Variants in FLOT1 observed in about 807,000 individuals in gnomAD.
FLOT1 encodes flotillin-1.
In FLOT1, 40 loss-of-function variants were observed where a neutral mutation model predicts 58.4. The observed-to-expected ratio is 0.69, with a 90% confidence interval of 0.53 to 0.89. The LOEUF (loss-of-function observed/expected upper bound fraction) is 0.89. Ranked by LOEUF, FLOT1 falls within the 40% of genes least tolerant of loss-of-function variation. The pLI is 0.00. For synonymous variants in FLOT1, 178 were observed against 204.2 expected, an observed-to-expected ratio of 0.87 and a Z score of 1.09; for missense variants, 423 against 540.8, an observed-to-expected ratio of 0.78 and a Z score of 2.16.
intron 8 of FLOT1, among the ~76,000 whole-genome samples, chr6:30,733,974 C>G (rs565818789): frequency 1.4e-5 from 2 of 145,204 alleles, no homozygotes; most frequent in Non-Finnish European, 3.0e-5. Flanking sequence ...ATCACTTGAG[C>G]CTGGGAGGTT....
chr6:30,734,123 A>C (rs1158584026), intron 8 of FLOT1, among the ~76,000 whole-genome samples: 1 of 149,298 alleles, frequency 6.7e-6, no homozygotes, highest in African/African-American at 2.5e-5. Context: ...CTCTCTCTCT[A>C]GAAGCTTTCA....
At position 30,737,221 on chromosome 6, in the gene FLOT1, C is replaced by T. The variant is rs1167394646; in HGVS notation, c.723+2937G>A. ...ACTGACTGTCTGTCGTCCGTCCGTCCGTCCGTCCGTCCGTCCGTCCGTCCG... is the reference window on the plus strand; with the variant it reads ...ACTGACTGTCTGTCGTCCGTCCGTCTGTCCGTCCGTCCGTCCGTCCGTCCG... On this transcript the variant is annotated intron_variant, in intron 8 of 12. Transcript: ENST00000376389. This position sits in a 1 kb window ranked among gnomAD's most constrained non-coding sequence, Gnocchi z 4.4. 3.0e-5 allele frequency among the ~76,000 whole-genome samples: 4 copies of T among 132,792 alleles called. No individual in the cohort carries two copies. The highest frequency in any genetic ancestry group is 2.4e-4 in the South Asian group (1 of 4,112). 87.1% of individuals were successfully genotyped at this position (132,792 alleles called of 152,430 possible). A position where few individuals can be genotyped will look rare whatever the true frequency, so the allele number is the denominator to read the frequency against.
intron 12 of FLOT1, 127 bp downstream of exon 12, chr6:30,729,894 TG>T: frequency 1.3e-6 from 1 of 782,316 alleles, no homozygotes; most frequent in Non-Finnish European, 2.1e-6. Flanking sequence ...GCACTGTGTC[TG>T]GCACACAGAA....
At chr6:30,740,057 G>A in intron 8 of FLOT1, 101 bp downstream of exon 8, 3 of 1,187,782 alleles carry the variant, frequency 2.5e-6, no homozygotes, top group Non-Finnish European at 2.4e-6. Flanking sequence ...GCCAGAATAA[G>A]ACCAAAGTTA....
Position 30,740,312 on chromosome 6 carries a change from T to C in FLOT1, c.571-2A>G, listed in dbSNP as rs113044935. 1 of 1,612,996 alleles carries C rather than the reference T, an allele frequency of 6.2e-7. No individual in the cohort carries two copies. Among genetic ancestry groups the C allele is most frequent in the African/African-American group, 1.3e-5 (1 of 75,046 alleles). On this transcript the variant is annotated splice_acceptor_variant, in intron 7 of 12. Transcript: ENST00000376389. LOFTEE classifies it high-confidence loss of function. ...CTTTTCCTGCTTGGCTTTAGCTTCC[T>C]GTCCAAGCAGAGATCAGGTAGGAAA... is the stretch of plus-strand genomic sequence containing the variant.
At position 30,730,142 on chromosome 6, in the gene FLOT1, G is replaced by T; in HGVS notation, c.1134C>A (p.Ile378=). ...TCCCACTGCCGCTGGACACCAGTGT[G>T]ATCTTATTGGCTGAAGTCAAGGGAC... The part of the protein sequence containing the change: ...ISGPLTSANK[I]TLVSSGSGTM... Residue 378 remains isoleucine (I), a synonymous_variant, in exon 12 of 13, where the codon ATC becomes ATA. Transcript: ENST00000376389. The T allele has an allele frequency of 6.2e-7, 1 of 1,613,046 alleles. No individual in the cohort carries two copies. Among genetic ancestry groups the T allele is most frequent in the Non-Finnish European group, 8.5e-7 (1 of 1,180,020 alleles).
chr6:30,737,766 T>C lies in FLOT1; in HGVS notation c.723+2392A>G, dbSNP rs143677516. Among the ~76,000 whole-genome samples, 1 of 152,286 alleles carries C rather than the reference T, an allele frequency of 6.6e-6. No individual in the cohort carries two copies. The highest frequency in any genetic ancestry group is 1.5e-5 in the Non-Finnish European group (1 of 68,014). ...TTCCTTCACAGCACCTAAACAAGAA[T>C]TATAGCCTGGGAAGGTCATTTACTT... On this transcript the variant is annotated intron_variant, in intron 8 of 12. Transcript: ENST00000376389. This position sits in a 1 kb window ranked among gnomAD's most constrained non-coding sequence, Gnocchi z 4.4.
intron 8 of FLOT1, among the ~76,000 whole-genome samples, chr6:30,735,474 T>C (rs2127771519): frequency 6.6e-6 from 1 of 150,812 alleles, no homozygotes. Context: ...AATACAAAAA[T>C]TACCTGGGCG....
chr6:30,732,918 C>T (rs9968884), intron 8 of FLOT1, among the ~76,000 whole-genome samples: 11,243 of 152,218 alleles, frequency 0.074, 668 homozygotes, highest in African/African-American at 0.16. Flanking sequence ...AACCATTTGT[C>T]TGTTTCTTTT....
chr6:30,731,945 C>A (rs1242539687), intron 8 of FLOT1, among the ~76,000 whole-genome samples: 1 of 152,034 alleles, frequency 6.6e-6, no homozygotes, highest in Non-Finnish European at 1.5e-5. Context: ...TGTGTGTATT[C>A]ATAGAATTCC....
rs750767765 is a variant in FLOT1, at chr6:30,740,298, TG to T, written c.582del (p.Lys195SerfsTer10). 3 of 1,613,026 alleles carry T rather than the reference TG, an allele frequency of 1.9e-6. No individual in the cohort carries two copies. The South Asian group carries it at 3.3e-5, about 18-fold the overall frequency. On this transcript the variant is annotated frameshift_variant, in exon 8 of 13. Transcript: ENST00000376389. LOFTEE classifies it high-confidence loss of function. ...TACTGAGCAGACACCTTTTCCTGCT[TG>T]GCTTTAGCTTCCTGTCCAAGCAGAG... is the stretch of plus-strand genomic sequence containing the variant. Reference protein sequence around the residue: ...KRDAGIREAKAKQEKVSAQYL... With the variant: ...KRDAGIREAKXKQEKVSAQYL...
At chr6:30,732,205 G>A (rs1440875591) in intron 8 of FLOT1, among the ~76,000 whole-genome samples, 1 of 152,122 alleles carries the variant, frequency 6.6e-6, no homozygotes, top group Non-Finnish European at 1.5e-5. Context: ...CTGATCTCAA[G>A]TGATCCATCC....
chr6:30,731,810 GA>G (rs201224036), intron 8 of FLOT1, among the ~76,000 whole-genome samples: 28 of 151,794 alleles, frequency 1.8e-4, no homozygotes, highest in Admixed American at 1.8e-3. Context: ...AGATTTAACA[GA>G]AAAAAAAGTG....
intron 11 of FLOT1, 43 bp from the exon 12 acceptor site, chr6:30,730,229 A>G: frequency 6.2e-7 from 1 of 1,601,804 alleles, no homozygotes; most frequent in African/African-American, 1.3e-5. Flanking sequence ...TGATCTGACC[A>G]CATTCCTCAT....
In FLOT1 at chr6:30,730,554, T is replaced by A; in HGVS notation, c.963A>T (p.Glu321Asp). The change falls in exon 11 of 13, where the codon GAA (glutamate) becomes GAT (aspartate). Residue 321 changes from glutamate (E) to aspartate (D), a missense_variant. By Grantham distance (45) the Glu-to-Asp change is conservative (BLOSUM62 2). Around this residue, in one of 6 missense-constraint regions of FLOT1, gnomAD observed 106 missense variants for 88.4 expected, o/e 1.20. Coordinates refer to ENST00000376389, the MANE Select transcript of FLOT1 (RefSeq NM_005803.4). ...AEAASVRMRG[E>D]AEAFAIGARA... ...GGGCCCCTATGGCAAAGGCCTCAGC[T>A]TCCCCACGCATCTGAGGGTTAAGGA... 6.2e-7 allele frequency: 1 copy of A among 1,611,472 alleles called. No homozygotes were observed. The highest frequency in any genetic ancestry group is 8.5e-7 in the Non-Finnish European group (1 of 1,178,080).
chr6:30,734,509 G>A (rs1274936262), intron 8 of FLOT1, among the ~76,000 whole-genome samples: 4 of 151,678 alleles, frequency 2.6e-5, no homozygotes, highest in Admixed American at 6.6e-5. Context: ...GGGTTTCACC[G>A]TGTTAGCCAG....
Position 30,728,046 on chromosome 6 carries a change from G to A in FLOT1, c.*70C>T. The A allele has an allele frequency of 7.0e-7, 1 of 1,422,394 alleles. No homozygotes were observed. The highest frequency in any genetic ancestry group is 9.9e-7 in the Non-Finnish European group (1 of 1,006,734). 88.1% of individuals were successfully genotyped at this position (1,422,394 alleles called of 1,614,324 possible). A position where few individuals can be genotyped will look rare whatever the true frequency, so the allele number is the denominator to read the frequency against. ...TGGACATGCTCAGGGAGGCCAGTGGGTTACATGCAACAGGAGGATCATTCA... is the reference window on the plus strand; with the variant it reads ...TGGACATGCTCAGGGAGGCCAGTGGATTACATGCAACAGGAGGATCATTCA... On this transcript the variant is annotated 3_prime_UTR_variant, in exon 13 of 13. Coordinates refer to ENST00000376389, the MANE Select transcript of FLOT1 (RefSeq NM_005803.4).
intron 5 of FLOT1, 74 bp from the exon 6 acceptor site, chr6:30,740,872 T>G: frequency 1.3e-6 from 2 of 1,516,430 alleles, no homozygotes; most frequent in Non-Finnish European, 1.8e-6. Flanking sequence ...CTGCAACCTC[T>G]GCCTCCTGGG....
At chr6:30,734,072 A>AG (rs9257003) in intron 8 of FLOT1, among the ~76,000 whole-genome samples, 112 of 145,154 alleles carry the variant, frequency 7.7e-4, no homozygotes, top group Non-Finnish European at 1.4e-3. Context: ...AAAAAAAAAA[A>AG]GGAATCTGAA....
Sources: gnomAD v4.1 joint callset for allele counts (sites outside exome capture counted in the v4.1 genomes callset) on GRCh38, gnomAD v4.1.1 for gene constraint, gnomAD v4.1.1 regional missense constraint, Gnocchi (gnomAD v3.1) non-coding constraint, MANE v1.5 for transcripts, NCBI Gene and HGNC (gene_info 2026-07-23, HGNC 2026-07-21) for gene names.